PARD3B: variants seen among roughly 807,000 people sequenced by gnomAD.
The protein encoded by PARD3B is partitioning defective 3 homolog B.
In PARD3B, 103 loss-of-function variants were observed where a neutral mutation model predicts 130.2. That is an observed-to-expected ratio of 0.79 (90% CI 0.67 to 0.93). PARD3B has a LOEUF of 0.93. Ranked by LOEUF, PARD3B falls within the 40% of genes least tolerant of loss-of-function variation. The probability of loss-of-function intolerance (pLI) is 0.00; values close to 1 mark genes in which losing one functional copy is unlikely to be tolerated. For synonymous variants in PARD3B, 583 were observed against 553.2 expected, an observed-to-expected ratio of 1.05 and a Z score of -0.76; for missense variants, 1,609 against 1,499.2, an observed-to-expected ratio of 1.07 and a Z score of -1.21.
intron 1 of PARD3B, among the ~76,000 whole-genome samples, chr2:204,617,353 A>G (rs1687684809): frequency 1.3e-5 from 2 of 152,136 alleles, no homozygotes; most frequent in African/African-American, 4.8e-5. Context: ...ACTTTGCCTA[A>G]CAATTCTTCT....
intron 18 of PARD3B, among the ~76,000 whole-genome samples, chr2:205,378,688 A>G (rs988191263): frequency 1.1e-4 from 16 of 150,532 alleles, no homozygotes; most frequent in African/African-American, 4.9e-5. Context: ...CTGGAGTGCA[A>G]TGGCACGATC....
chr2:204,795,481 T>C (rs2042338928), intron 2 of PARD3B, among the ~76,000 whole-genome samples: 1 of 152,204 alleles, frequency 6.6e-6, no homozygotes, highest in African/African-American at 2.4e-5. Flanking sequence ...GTTGCCTTTA[T>C]ACTGAGGAGA....
At chr2:205,167,637 G>T (rs555493554) in intron 11 of PARD3B, among the ~76,000 whole-genome samples, 136 of 152,248 alleles carry the variant, frequency 8.9e-4, no homozygotes, top group Non-Finnish European at 1.6e-3. Context: ...CATGTAAAGG[G>T]TTTAGCATGA....
intron 3 of PARD3B, among the ~76,000 whole-genome samples, chr2:204,987,202 T>C (rs1022874237): frequency 1.3e-5 from 2 of 152,064 alleles, no homozygotes; most frequent in African/African-American, 4.8e-5. Context: ...AAGAAAAAAA[T>C]GAAAGCACTT....
chr2:205,034,676 A>AT (rs1486465048), intron 3 of PARD3B, among the ~76,000 whole-genome samples: 5 of 152,198 alleles, frequency 3.3e-5, no homozygotes, highest in African/African-American at 1.2e-4. Context: ...AGCAGCAATA[A>AT]TTTTTTAAAA....
chr2:204,650,990 A>G (rs1204634905), intron 1 of PARD3B, among the ~76,000 whole-genome samples: 2 of 152,058 alleles, frequency 1.3e-5, no homozygotes, highest in African/African-American at 4.8e-5. Flanking sequence ...TGGGAAGTCC[A>G]CCTCTATGAT....
rs144266130 is a variant in PARD3B, at chr2:205,530,343, T to C, written c.3181-22981T>C. On this transcript the variant is annotated intron_variant, in intron 21 of 22. Coordinates refer to ENST00000406610, the MANE Select transcript of PARD3B (RefSeq NM_001302769.2). This position sits in a 1 kb window ranked among gnomAD's most constrained non-coding sequence, Gnocchi z 4.7. ...TTTAGGTGAGGAGTAGATGCCAACA[T>C]CATAAGGATGTTGATGTAATTTACA... is the stretch of plus-strand genomic sequence containing the variant. Among the ~76,000 whole-genome samples, 1 of 152,318 alleles carries C rather than the reference T, an allele frequency of 6.6e-6. No individual in the cohort carries two copies. The highest frequency in any genetic ancestry group is 1.5e-5 in the Non-Finnish European group (1 of 68,032).
chr2:205,172,987 T>C (rs1193794489), intron 12 of PARD3B, among the ~76,000 whole-genome samples: 1 of 152,078 alleles, frequency 6.6e-6, no homozygotes, highest in African/African-American at 2.4e-5. Flanking sequence ...TTCCTAACAT[T>C]ATACATATAA....
At chr2:204,922,181 G>A (rs547083576) in intron 2 of PARD3B, among the ~76,000 whole-genome samples, 6 of 152,014 alleles carry the variant, frequency 3.9e-5, no homozygotes, top group Non-Finnish European at 7.4e-5. Flanking sequence ...GGCCATTTTC[G>A]TTTATGCAAT....
At chr2:205,124,133 A>C (rs926665191) in intron 8 of PARD3B, among the ~76,000 whole-genome samples, 194 bp from the exon 9 acceptor site, 2 of 152,224 alleles carry the variant, frequency 1.3e-5, no homozygotes, top group Non-Finnish European at 2.9e-5. Context: ...ATTCACTTTG[A>C]TACTGTCATG....
At chr2:205,054,424 ATATATATATATATTTTTTT>A (rs1337213833) in intron 4 of PARD3B, among the ~76,000 whole-genome samples, 21 of 21,458 alleles carry the variant, frequency 9.8e-4, no homozygotes, top group Middle Eastern at 0.015. Flanking sequence ...ATATATATAT[ATATATATATATATTTTTTT>A]TTTTTTTTTT....
chr2:205,010,475 C>T (rs1695626076), intron 3 of PARD3B, among the ~76,000 whole-genome samples: 1 of 152,094 alleles, frequency 6.6e-6, no homozygotes, highest in South Asian at 2.1e-4. Context: ...TGGTTTAGTC[C>T]CTCATTTTCA....
At chr2:205,363,151 A>T (rs1483730727) in intron 18 of PARD3B, among the ~76,000 whole-genome samples, 8 of 152,192 alleles carry the variant, frequency 5.3e-5, no homozygotes, top group African/African-American at 1.9e-4. Context: ...AGCCATCAGC[A>T]ACAGCTAAAA....
chr2:204,600,809 C>T (rs1298232587), intron 1 of PARD3B, among the ~76,000 whole-genome samples: 1 of 151,758 alleles, frequency 6.6e-6, no homozygotes, highest in East Asian at 1.9e-4. Context: ...TCTTTCAACT[C>T]ATTTACAAAA....
intron 19 of PARD3B, among the ~76,000 whole-genome samples, chr2:205,425,539 T>C (rs1045794861): frequency 4.1e-5 from 5 of 121,168 alleles, no homozygotes; most frequent in African/African-American, 1.6e-4. Flanking sequence ...GAATATGAAA[T>C]AGACTCGGTG....
chr2:204,986,470 T>C (rs1693169389), intron 3 of PARD3B, among the ~76,000 whole-genome samples: 1 of 152,224 alleles, frequency 6.6e-6, no homozygotes, highest in Admixed American at 6.5e-5. Flanking sequence ...TAATCTCTCC[T>C]TGAGCTCTTA....
Position 205,301,121 on chromosome 2 carries a change from T to C in PARD3B, c.2393-343T>C, listed in dbSNP as rs1284533713. ...GGGTAGAAGCAGTTGGGATATTTTG[T>C]ACTCAAAACTCTCTTCTCACCCTGT... On this transcript the variant is annotated intron_variant, in intron 17 of 22. Coordinates refer to ENST00000406610, the MANE Select transcript of PARD3B (RefSeq NM_001302769.2). This position sits in a 1 kb window ranked among gnomAD's most constrained non-coding sequence, Gnocchi z 5.2. 1.3e-5 allele frequency among the ~76,000 whole-genome samples: 2 copies of C among 152,218 alleles called. No homozygotes were observed. Among genetic ancestry groups the C allele is most frequent in the Non-Finnish European group, 2.9e-5 (2 of 68,042 alleles).
At chr2:204,965,009 G>A in intron 2 of PARD3B, 143 bp from the exon 3 acceptor site, 1 of 620,406 alleles carries the variant, frequency 1.6e-6, no homozygotes, top group East Asian at 2.9e-5. Flanking sequence ...GAAAAATTAA[G>A]AGTTGTGGTA....
chr2:204,977,215 T>C (rs1036868846), intron 3 of PARD3B, among the ~76,000 whole-genome samples: 1 of 152,228 alleles, frequency 6.6e-6, no homozygotes, highest in Admixed American at 6.5e-5. Context: ...ATTGCTTTGA[T>C]CTTTTTTATC....
Sources: allele counts gnomAD v4.1 joint callset (sites outside exome capture counted in the v4.1 genomes callset), GRCh38; gene constraint gnomAD v4.1.1; non-coding constraint Gnocchi (gnomAD v3.1); transcripts MANE v1.5; gene names NCBI Gene and HGNC (gene_info 2026-07-23, HGNC 2026-07-21).